The following CELF2 variants were observed in gnomAD, a reference collection of about 807,000 sequenced individuals.
The protein encoded by CELF2 is CUG triplet repeat RNA-binding protein 2.
Under a neutral mutation model 62.6 loss-of-function variants are expected in CELF2, and 8 were observed. The ratio of observed to expected loss-of-function variants is 0.13; its 90% CI spans 0.07 to 0.23. The LOEUF (loss-of-function observed/expected upper bound fraction) is 0.23. Ranked by LOEUF, CELF2 falls within the 10% of genes least tolerant of loss-of-function variation. The probability of loss-of-function intolerance (pLI) is 1.00; values close to 1 mark genes in which losing one functional copy is unlikely to be tolerated. For synonymous variants in CELF2, 258 were observed against 250.0 expected, an observed-to-expected ratio of 1.03 and a Z score of -0.30; for missense variants, 333 against 671.0, an observed-to-expected ratio of 0.50 and a Z score of 5.56.
the CELF2 span, among the ~76,000 whole-genome samples, chr10:10,558,533 A>C: frequency 5.3e-5 from 8 of 151,922 alleles, no homozygotes; most frequent in African/African-American, 1.7e-4. Flanking sequence ...TTGGTATCAG[A>C]ATGATGCTGG....
chr10:11,264,541 C>A (rs1483914915), intron 5 of CELF2, among the ~76,000 whole-genome samples: 1 of 152,190 alleles, frequency 6.6e-6, no homozygotes, highest in Non-Finnish European at 1.5e-5. Context: ...CTTGTAGTTT[C>A]AAGATAAGAA....
the CELF2 span, among the ~76,000 whole-genome samples, chr10:10,652,671 C>G: frequency 3.9e-5 from 6 of 151,960 alleles, no homozygotes; most frequent in East Asian, 1.2e-3. Flanking sequence ...CAAGCAAATG[C>G]TGAGAGATTT....
chr10:10,585,149 C>G, the CELF2 span, among the ~76,000 whole-genome samples: 3 of 152,082 alleles, frequency 2.0e-5, no homozygotes, highest in Non-Finnish European at 4.4e-5. Context: ...GTAAGATGCT[C>G]CTACTAATTC....
chr10:11,131,038 A>G (rs1023608526), intron 1 of CELF2, among the ~76,000 whole-genome samples: 6 of 152,262 alleles, frequency 3.9e-5, no homozygotes, highest in African/African-American at 4.8e-5. Flanking sequence ...GTTAACCACA[A>G]AAATCTTGTA....
the CELF2 span, among the ~76,000 whole-genome samples, chr10:10,752,947 T>C: frequency 0.14 from 20,700 of 152,054 alleles, 1,650 homozygotes; most frequent in East Asian, 0.29. Context: ...CGTTTACATA[T>C]ATTACCATTG....
At position 11,165,279 on chromosome 10, in the gene CELF2, C is replaced by T. The variant is rs2066729674; in HGVS notation, c.75-207C>T. The stretch of plus-strand genomic sequence containing the variant: ...CCCCCGGCTCTGCTCGACAGCAGCA[C>T]GCAGTGAGAGCCTCGCCGCCGCCGA... On this transcript the variant is annotated intron_variant, in intron 1 of 12. Transcript: ENST00000633077. This position sits in a 1 kb window ranked among gnomAD's most constrained non-coding sequence, Gnocchi z 7.4. 2.9e-6 allele frequency: 4 copies of T among 1,391,466 alleles called. No individual in the cohort carries two copies. The highest frequency in any genetic ancestry group is 3.7e-6 in the Non-Finnish European group (4 of 1,073,648). The allele number at this position is 1,391,466 out of a possible 1,614,324, so 86.2% of individuals were successfully genotyped here.
At chr10:10,581,657 A>G in the CELF2 span, among the ~76,000 whole-genome samples, 1 of 152,318 alleles carries the variant, frequency 6.6e-6, no homozygotes, top group African/African-American at 2.4e-5. Flanking sequence ...GCCAGCTCCA[A>G]ATTATTTTGA....
chr10:10,950,344 C>A (rs1034372501), intron 2 of CELF2, among the ~76,000 whole-genome samples: 1 of 151,982 alleles, frequency 6.6e-6, no homozygotes, highest in African/African-American at 2.4e-5. Context: ...GTGGTCCCAG[C>A]GAGGTCTGGG....
At chr10:11,134,542 G>A (rs1373299258) in intron 1 of CELF2, among the ~76,000 whole-genome samples, 1 of 152,130 alleles carries the variant, frequency 6.6e-6, no homozygotes, top group Non-Finnish European at 1.5e-5. Flanking sequence ...GATTGTCCTC[G>A]GCGGTGCCCA....
the CELF2 span, among the ~76,000 whole-genome samples, chr10:10,781,100 T>G: frequency 6.6e-6 from 1 of 152,260 alleles, no homozygotes; most frequent in African/African-American, 2.4e-5. Context: ...TAGTCTTCAG[T>G]GTCTGTATTA....
At chr10:10,646,991 G>A in the CELF2 span, among the ~76,000 whole-genome samples, 23 of 152,250 alleles carry the variant, frequency 1.5e-4, no homozygotes, top group East Asian at 4.1e-3. Flanking sequence ...GAGGGATGAT[G>A]AACTGAAGGA....
the CELF2 span, among the ~76,000 whole-genome samples, chr10:10,620,917 C>CAAAAAA: frequency 8.4e-5 from 3 of 35,810 alleles, no homozygotes; most frequent in East Asian, 1.1e-3. Context: ...GACCCCATCT[C>CAAAAAA]AAAAAAAAAA....
At chr10:11,201,158 C>T (rs1025065511) in intron 2 of CELF2, among the ~76,000 whole-genome samples, 8 of 152,184 alleles carry the variant, frequency 5.3e-5, no homozygotes, top group African/African-American at 1.7e-4. Context: ...GTTGGGTAGT[C>T]CCCTGAAGTG....
the CELF2 span, among the ~76,000 whole-genome samples, chr10:10,772,281 C>A: frequency 2.6e-5 from 4 of 152,192 alleles, no homozygotes; most frequent in African/African-American, 9.7e-5. Context: ...GGTCTTCCCA[C>A]TGTTCAACTA....
chr10:11,022,858 T>G (rs975789792), intron 1 of CELF2, among the ~76,000 whole-genome samples: 8 of 152,216 alleles, frequency 5.3e-5, no homozygotes, highest in Non-Finnish European at 1.2e-4. Flanking sequence ...TTGAATTTTT[T>G]GTAAAAACCG....
At chr10:10,663,792 A>T in the CELF2 span, among the ~76,000 whole-genome samples, 1 of 152,224 alleles carries the variant, frequency 6.6e-6, no homozygotes, top group South Asian at 2.1e-4. Context: ...CAGAAATATT[A>T]TTACATTTCT....
intron 1 of CELF2, among the ~76,000 whole-genome samples, chr10:10,818,852 A>G (rs1316126134): frequency 6.6e-6 from 1 of 152,186 alleles, no homozygotes; most frequent in Non-Finnish European, 1.5e-5. Context: ...TGTTGGGATT[A>G]CAGGCATGAG....
At chr10:10,683,089 A>G in the CELF2 span, among the ~76,000 whole-genome samples, 1 of 152,184 alleles carries the variant, frequency 6.6e-6, no homozygotes, top group Non-Finnish European at 1.5e-5. Flanking sequence ...AGAATAATTA[A>G]TTTGCCCTCT....
intron 1 of CELF2, among the ~76,000 whole-genome samples, chr10:11,086,608 A>AAAAAAAAC (rs1397709060): frequency 7.7e-6 from 1 of 130,714 alleles, no homozygotes; most frequent in Non-Finnish European, 1.6e-5. Flanking sequence ...AAAAAAAAAA[A>AAAAAAAAC]AACTCCCGAC....
Sources: allele counts gnomAD v4.1 joint callset (sites outside exome capture counted in the v4.1 genomes callset), GRCh38; gene constraint gnomAD v4.1.1; non-coding constraint Gnocchi (gnomAD v3.1); transcripts MANE v1.5; gene names NCBI Gene and HGNC (gene_info 2026-07-23, HGNC 2026-07-21).